The following OPCML variants were observed in gnomAD, a reference collection of about 807,000 sequenced individuals.
OPCML encodes the protein opioid binding protein/cell adhesion molecule like.
In OPCML, 13 loss-of-function variants were observed where a neutral mutation model predicts 37.8. The observed-to-expected ratio is 0.34, with a 90% confidence interval of 0.22 to 0.55. OPCML has a LOEUF of 0.55. OPCML is among the 20% of genes least tolerant of loss of function. OPCML has a pLI of 0.91. For synonymous variants in OPCML, 176 were observed against 168.8 expected (o/e 1.04, Z -0.33); for missense variants, 341 against 435.6 (o/e 0.78, Z 1.93).
At chr11:133,049,839 AG>A (rs1948096871) in intron 1 of OPCML, among the ~76,000 whole-genome samples, 1 of 152,184 alleles carries the variant, frequency 6.6e-6, no homozygotes, top group South Asian at 2.1e-4. Flanking sequence ...GTGTATTTCC[AG>A]TTAGCTGGGC....
rs1439561404 is a variant in OPCML, at chr11:133,487,800, TGTG to T, written c.61+44461_61+44463del. Among the ~76,000 whole-genome samples the T allele has an allele frequency of 3.0e-3, 441 of 147,448 alleles. 3 individuals are homozygous for T. Among genetic ancestry groups the T allele is most frequent in the African/African-American group, 0.011 (416 of 38,946 alleles). On this transcript the variant is annotated intron_variant, in intron 1 of 7. Coordinates refer to ENST00000524381, the MANE Select transcript of OPCML (RefSeq NM_001012393.5). The stretch of plus-strand genomic sequence containing the variant: ...TTGTGTGTGTGTGTGTGTGTGTGTG[TGTG>T]CGTGTGTGTAAATTTAAAGTAATCC...
At chr11:133,110,173 A>C (rs1372493181) in intron 1 of OPCML, among the ~76,000 whole-genome samples, 1 of 152,226 alleles carries the variant, frequency 6.6e-6, no homozygotes, top group Non-Finnish European at 1.5e-5. Context: ...CCATTAAGGT[A>C]ACATGAAGTC....
At chr11:133,017,195 G>T (rs1421442005) in intron 1 of OPCML, among the ~76,000 whole-genome samples, 2 of 151,922 alleles carry the variant, frequency 1.3e-5, no homozygotes, top group African/African-American at 2.4e-5. Flanking sequence ...TTTTATAAGC[G>T]CACTAATCCC....
chr11:132,806,156 A>G (rs1486675395), intron 2 of OPCML, among the ~76,000 whole-genome samples: 7 of 152,138 alleles, frequency 4.6e-5, no homozygotes, highest in African/African-American at 1.2e-4. Flanking sequence ...ATCTAAAAAT[A>G]CTGGATTAAC....
intron 1 of OPCML, among the ~76,000 whole-genome samples, chr11:133,434,442 G>C (rs1156724556): frequency 6.8e-6 from 1 of 147,680 alleles, no homozygotes; most frequent in Non-Finnish European, 1.5e-5. Context: ...TTGCTCATTT[G>C]TGTATAGAAG....
chr11:132,874,736 C>T (rs1478475210), intron 2 of OPCML, among the ~76,000 whole-genome samples: 5 of 152,178 alleles, frequency 3.3e-5, no homozygotes, highest in African/African-American at 9.6e-5. Flanking sequence ...GGTGGCTTAG[C>T]GGACTGCACG....
chr11:132,769,963 G>C (rs1212268974), intron 2 of OPCML, among the ~76,000 whole-genome samples: 3 of 152,140 alleles, frequency 2.0e-5, no homozygotes, highest in Non-Finnish European at 4.4e-5. Context: ...GAGAAGACTG[G>C]AAGGAATGCT....
chr11:133,102,503 C>T (rs1193153936), intron 1 of OPCML, among the ~76,000 whole-genome samples: 1 of 152,162 alleles, frequency 6.6e-6, no homozygotes, highest in East Asian at 1.9e-4. Flanking sequence ...AATCGCAGAA[C>T]TTTGGGAGGC....
intron 1 of OPCML, among the ~76,000 whole-genome samples, chr11:133,494,632 A>G (rs1947741028): frequency 1.3e-5 from 2 of 148,230 alleles, no homozygotes; most frequent in African/African-American, 2.6e-5. Flanking sequence ...CAAAAAGCCA[A>G]ACACTGCATG....
intron 3 of OPCML, among the ~76,000 whole-genome samples, chr11:132,638,817 A>C (rs1347747353): frequency 1.3e-5 from 2 of 152,048 alleles, no homozygotes; most frequent in East Asian, 1.9e-4. Context: ...CCACCAAACT[A>C]TCCTTTAAAA....
intron 1 of OPCML, among the ~76,000 whole-genome samples, chr11:133,272,688 C>A (rs550302577): frequency 2.5e-4 from 38 of 152,316 alleles, no homozygotes; most frequent in African/African-American, 9.1e-4. Context: ...TGCACATGCA[C>A]CATTGTGTGC....
intron 1 of OPCML, among the ~76,000 whole-genome samples, chr11:133,498,479 C>G (rs1721131258): frequency 6.6e-6 from 1 of 152,186 alleles, no homozygotes; most frequent in Non-Finnish European, 1.5e-5. Flanking sequence ...GGAAACCGGG[C>G]ACAATATCGC....
At chr11:133,130,247 AAATG>A (rs1418016508) in intron 1 of OPCML, among the ~76,000 whole-genome samples, 1 of 152,120 alleles carries the variant, frequency 6.6e-6, no homozygotes, top group Non-Finnish European at 1.5e-5. Flanking sequence ...AAACTACTGA[AAATG>A]AAGCATAGAA....
rs1950341834 is a variant in OPCML at position 133,174,693 on chromosome 11, G to A, written c.62-231683C>T. 6.7e-6 allele frequency among the ~76,000 whole-genome samples: 1 copy of A among 149,168 alleles called. No individual in the cohort carries two copies. Among genetic ancestry groups the A allele is most frequent in the African/African-American group, 2.5e-5 (1 of 40,604 alleles). The stretch of plus-strand genomic sequence containing the variant: ...AGTTAAACACCTGAGTGAAGTGTGT[G>A]TATTTCTTGTCTCCTGAAAAATAAA... On this transcript the variant is annotated intron_variant, in intron 1 of 7. Transcript: ENST00000524381. The surrounding 1 kb of genome is among the most constrained non-coding windows in gnomAD (Gnocchi z 4.6).
intron 2 of OPCML, among the ~76,000 whole-genome samples, chr11:132,853,341 A>G (rs964089626): frequency 6.6e-6 from 1 of 152,200 alleles, no homozygotes; most frequent in African/African-American, 2.4e-5. Context: ...AAATGTGTCA[A>G]TATTTGGAGG....
chr11:132,846,279 G>C lies in OPCML; in HGVS notation c.146+96647C>G, dbSNP rs573640296. The stretch of plus-strand genomic sequence containing the variant: ...ACATAAAACTTAACCAGCAACAAAG[G>C]CTGAGCGCCCCCACTCGGGACTGCT... On this transcript the variant is annotated intron_variant, in intron 2 of 7. Coordinates refer to ENST00000524381, the MANE Select transcript of OPCML (RefSeq NM_001012393.5). 1.8e-4 allele frequency among the ~76,000 whole-genome samples: 27 copies of C among 152,274 alleles called. 1 individual carries two copies. In the South Asian group the frequency reaches 5.4e-3, roughly 30 times the overall value.
chr11:132,438,222 A>G (rs1247557716), intron 4 of OPCML, among the ~76,000 whole-genome samples: 4 of 152,226 alleles, frequency 2.6e-5, no homozygotes, highest in Non-Finnish European at 4.4e-5. Flanking sequence ...CCTGTGGTTC[A>G]GTGCAAAGAC....
At chr11:133,275,082 T>C (rs1247122874) in intron 1 of OPCML, among the ~76,000 whole-genome samples, 1 of 152,188 alleles carries the variant, frequency 6.6e-6, no homozygotes, top group African/African-American at 2.4e-5. Flanking sequence ...ACCCTTCAGT[T>C]TCCTGGTGAG....
intron 3 of OPCML, among the ~76,000 whole-genome samples, chr11:132,612,194 T>C (rs1484968414): frequency 6.6e-6 from 1 of 152,190 alleles, no homozygotes; most frequent in Non-Finnish European, 1.5e-5. Flanking sequence ...TCACACTAAG[T>C]TACCTAGAAG....
Sources: gnomAD v4.1 joint callset for allele counts (sites outside exome capture counted in the v4.1 genomes callset) on GRCh38, gnomAD v4.1.1 for gene constraint, Gnocchi (gnomAD v3.1) non-coding constraint, MANE v1.5 for transcripts, NCBI Gene and HGNC (gene_info 2026-07-23, HGNC 2026-07-21) for gene names.